Variants in ATAD2 observed in about 807,000 individuals in gnomAD.
The protein encoded by ATAD2 is ATPase family AAA domain containing 2.
A neutral mutation model predicts 168.9 loss-of-function variants in ATAD2; 62 were observed. The observed-to-expected ratio is 0.37, with a 90% CI of 0.30 to 0.45. The LOEUF is 0.45. Among genes scored for constraint, ATAD2 ranks in the 20% least tolerant of loss-of-function variants. ATAD2 has a pLI of 1.00. For missense variants in ATAD2, 1,419 were observed against 1,667.8 expected (o/e 0.85, Z 2.60); for synonymous variants, 613 against 571.6 (o/e 1.07, Z -1.03).
At chr8:123,321,287 T>C (rs1043303879) in intron 27 of ATAD2, 112 bp from the exon 28 acceptor site, 11 of 902,996 alleles carry the variant, frequency 1.2e-5, no homozygotes, top group African/African-American at 8.6e-5. Context: ...TTCAGGTATA[T>C]ATTTGATAGT....
intron 24 of ATAD2, among the ~76,000 whole-genome samples, chr8:123,330,082 G>A (rs1057455984): frequency 6.8e-6 from 1 of 146,262 alleles, no homozygotes; most frequent in Non-Finnish European, 1.5e-5. Flanking sequence ...TTGAACTCCT[G>A]GGCTCAAGCA....
At chr8:123,380,126 A>G (rs1421197043) in intron 2 of ATAD2, among the ~76,000 whole-genome samples, 1 of 151,754 alleles carries the variant, frequency 6.6e-6, no homozygotes, top group Admixed American at 6.6e-5. Context: ...ATCTCAGCTC[A>G]CTGCAAGCTC....
chr8:123,415,598 C>T (rs1051252476), intron 1 of ATAD2, among the ~76,000 whole-genome samples: 2 of 86,042 alleles, frequency 2.3e-5, no homozygotes, highest in African/African-American at 4.0e-5. Flanking sequence ...GAGATAAACA[C>T]TATTTTTTTT....
At chr8:123,400,766 CGCT>C, upstream of ATAD2, 11 of 805,122 alleles carry the variant, frequency 1.4e-5, no homozygotes, top group South Asian at 1.5e-4. This position sits in a 1 kb window ranked among gnomAD's most constrained non-coding sequence, Gnocchi z 4.5. Flanking sequence ...CTGAAGACGC[CGCT>C]GATCTCCTCC....
intron 1 of ATAD2, among the ~76,000 whole-genome samples, chr8:123,411,439 G>C (rs1451879938): frequency 6.6e-6 from 1 of 152,132 alleles, no homozygotes; most frequent in Non-Finnish European, 1.5e-5. Context: ...TGAGAGGGCG[G>C]ACTGAGAGAC....
chr8:123,369,998 C>T lies in ATAD2; in HGVS notation c.754G>A (p.Glu252Lys). 2 of 1,597,436 alleles carry T rather than the reference C, an allele frequency of 1.3e-6. No individual in the cohort carries two copies. The highest frequency in any genetic ancestry group is 1.7e-6 in the Non-Finnish European group (2 of 1,167,814). ...TCATCTTCACCATCATCTTCATGTT[C>T]TTGGTCTTCACCCTCTTCAGATGAC... ...VESSEEGEDQEHEDDGEDEDD... is the reference protein window; with the variant it reads ...VESSEEGEDQKHEDDGEDEDD... The change falls in exon 7 of 28, where the codon GAA (glutamate) becomes AAA (lysine). Residue 252 changes from glutamate to lysine, a missense_variant. Physicochemically the swap from Glu to Lys is moderately conservative, Grantham distance 56 (BLOSUM62 1). This residue lies in a region of ATAD2 where 419 missense variants were observed against 423.5 expected (regional missense o/e 0.99). Coordinates refer to ENST00000287394, the MANE Select transcript of ATAD2 (RefSeq NM_014109.4).
chr8:123,401,243 C>T, upstream of ATAD2: 1 of 920,058 alleles, frequency 1.1e-6, no homozygotes, highest in Non-Finnish European at 1.8e-6. Context: ...GCCATCATTG[C>T]CCTCACCGAC....
intron 1 of ATAD2, among the ~76,000 whole-genome samples, chr8:123,410,280 A>AT (rs57487759): frequency 0.35 from 53,015 of 151,654 alleles, 9,440 homozygotes; most frequent in East Asian, 0.56. Context: ...GTAGGATCAT[A>AT]TTATTTATTT....
intron 19 of ATAD2, among the ~76,000 whole-genome samples, chr8:123,339,876 A>G (rs903938094): frequency 6.6e-6 from 1 of 151,906 alleles, no homozygotes; most frequent in Non-Finnish European, 1.5e-5. Context: ...TGACTTGATG[A>G]TATTTTACTT....
chr8:123,402,508 G>A lies in ATAD2; in HGVS notation c.-2281-1333C>T, dbSNP rs1813015455. On this transcript the variant is annotated intron_variant, in intron 1 of 28. Transcript: ENST00000521903. The surrounding 1 kb of genome is among the most constrained non-coding windows in gnomAD (Gnocchi z 4.8). Reference sequence around the variant, plus strand: ...CTCCTGGCCCTGCCTCTGGCCTACTGCCCCCTCAGCCATGTGGCACTTCTG... The same window carrying A: ...CTCCTGGCCCTGCCTCTGGCCTACTACCCCCTCAGCCATGTGGCACTTCTG... 6.6e-6 allele frequency among the ~76,000 whole-genome samples: 1 copy of A among 152,096 alleles called. No individual in the cohort carries two copies. Among genetic ancestry groups the A allele is most frequent in the African/African-American group, 2.4e-5 (1 of 41,412 alleles).
At chr8:123,364,064 G>C (rs917051950) in intron 8 of ATAD2, among the ~76,000 whole-genome samples, 5 of 152,094 alleles carry the variant, frequency 3.3e-5, no homozygotes, top group African/African-American at 1.2e-4. Context: ...TTGCAAAATG[G>C]AGATTATTTT....
intron 26 of ATAD2, among the ~76,000 whole-genome samples, chr8:123,324,811 TAGGGGAACAGGC>T (rs992098257): frequency 7.2e-5 from 11 of 152,288 alleles, no homozygotes; most frequent in African/African-American, 1.9e-4. Flanking sequence ...AAATTGAATT[TAGGGGAACAGGC>T]AGGGGAACAG....
chr8:123,359,800 G>A (rs1828757642), intron 9 of ATAD2, 115 bp from the exon 10 acceptor site: 2 of 689,830 alleles, frequency 2.9e-6, no homozygotes, highest in African/African-American at 1.8e-5. Flanking sequence ...TTCAACCGGA[G>A]CAATCTTAAG....
rs772235423 is a variant in ATAD2 at position 123,361,557 on chromosome 8, C to A, written c.1139G>T (p.Arg380Leu). ...QHFERRRKRS[R>L]NRAINRCLPL... ...CACTTACCTATTGATAGCCCTATTA[C>A]GACTCCTTTTCCTCCGCCTCTCAAA... The change falls in exon 9 of 28, where the codon CGT becomes CTT. Residue 380 changes from arginine (R) to leucine (L), a missense_variant. By Grantham distance (102) the Arg-to-Leu change is moderately radical (BLOSUM62 -2). This residue lies in a region of ATAD2 where 146 missense variants were observed against 188.3 expected (regional missense o/e 0.78). Coordinates refer to ENST00000287394, the MANE Select transcript of ATAD2 (RefSeq NM_014109.4). 6.2e-7 allele frequency: 1 copy of A among 1,612,992 alleles called. No individual in the cohort carries two copies. Among genetic ancestry groups the A allele is most frequent in the Non-Finnish European group, 8.5e-7 (1 of 1,179,190 alleles).
At chr8:123,354,526 C>A (rs1015201138) in intron 13 of ATAD2, among the ~76,000 whole-genome samples, 15 of 151,392 alleles carry the variant, frequency 9.9e-5, no homozygotes, top group African/African-American at 3.6e-4. Flanking sequence ...GCCAACATGG[C>A]GAAACCCAGT....
chr8:123,323,117 C>A (rs987680667), intron 26 of ATAD2, 51 bp from the exon 27 acceptor site: 4 of 1,538,756 alleles, frequency 2.6e-6, no homozygotes, highest in South Asian at 2.4e-5. Context: ...CTTCCTCAGA[C>A]AAGATACTTA....
chr8:123,390,513 T>C (rs945777258), intron 1 of ATAD2, among the ~76,000 whole-genome samples: 32 of 152,190 alleles, frequency 2.1e-4, no homozygotes, highest in Non-Finnish European at 2.9e-5. Context: ...AGAAGCTCCC[T>C]ATCTATGCTT....
At chr8:123,356,270 C>T in intron 13 of ATAD2, 119 bp downstream of exon 13, 1 of 762,140 alleles carries the variant, frequency 1.3e-6, no homozygotes, top group Middle Eastern at 2.5e-4. Flanking sequence ...GTTCTACTAC[C>T]AAAAAAAGGA....
intron 1 of ATAD2, among the ~76,000 whole-genome samples, chr8:123,389,608 T>C (rs149341319): frequency 4.3e-4 from 65 of 151,136 alleles, no homozygotes; most frequent in African/African-American, 1.4e-3. Context: ...CCACTGCACT[T>C]CAGCCTGGGC....
Sources: gnomAD v4.1 joint callset for allele counts (sites outside exome capture counted in the v4.1 genomes callset) on GRCh38, gnomAD v4.1.1 for gene constraint, gnomAD v4.1.1 regional missense constraint, Gnocchi (gnomAD v3.1) non-coding constraint, MANE v1.5 for transcripts, NCBI Gene and HGNC (gene_info 2026-07-23, HGNC 2026-07-21) for gene names.